COL4A3: variants seen among roughly 807,000 people sequenced by gnomAD.
The protein encoded by COL4A3 is collagen type IV alpha 3 chain, also known as collagen alpha-3(IV) chain.
Under a neutral mutation model 217.4 loss-of-function variants are expected in COL4A3, and 135 were observed. The observed-to-expected ratio is 0.62, with a 90% CI of 0.54 to 0.72. COL4A3 has a LOEUF of 0.72. Among genes scored for constraint, COL4A3 ranks in the 30% least tolerant of loss-of-function variants. The pLI, the probability that COL4A3 is intolerant of heterozygous loss-of-function variation, is 0.00. For synonymous variants in COL4A3, 690 were observed against 736.3 expected, an observed-to-expected ratio of 0.94 and a Z score of 1.02; for missense variants, 1,868 against 2,119.9, an observed-to-expected ratio of 0.88 and a Z score of 2.33.
chr2:227,267,792 G>GAA (rs11298010), intron 23 of COL4A3, among the ~76,000 whole-genome samples: 1 of 146,740 alleles, frequency 6.8e-6, no homozygotes, highest in Non-Finnish European at 1.5e-5. Flanking sequence ...ATTTTGAAAG[G>GAA]AAAAAAAAAA....
intron 47 of COL4A3, among the ~76,000 whole-genome samples, chr2:227,306,089 T>C (rs2073489122): frequency 6.6e-6 from 1 of 152,226 alleles, no homozygotes; most frequent in Admixed American, 6.5e-5. Flanking sequence ...TTCCTTAAAG[T>C]GTGGTTTTTG....
At chr2:227,274,533 C>T (rs868611989) in intron 26 of COL4A3, among the ~76,000 whole-genome samples, 96 of 150,114 alleles carry the variant, frequency 6.4e-4, no homozygotes, top group African/African-American at 2.3e-3. Flanking sequence ...GAATCTTGCT[C>T]TGTCGCCCAG....
intron 1 of COL4A3, among the ~76,000 whole-genome samples, chr2:227,181,488 A>T (rs2065866491): frequency 6.6e-6 from 1 of 152,180 alleles, no homozygotes; most frequent in Non-Finnish European, 1.5e-5. Context: ...TTTTTCCCTA[A>T]CTATACATGT....
Position 227,251,134 on chromosome 2 carries a change from T to G in COL4A3, c.547-6T>G. On this transcript the variant is annotated splice_region_variant and splice_polypyrimidine_tract_variant and intron_variant, in intron 9 of 51. Transcript: ENST00000396578. ...AACTTACTCTTATTCTTCTCTCAATTTCAAGGGTTTGCCAGGCCCTCCAGG... is the reference window on the plus strand; with the variant it reads ...AACTTACTCTTATTCTTCTCTCAATGTCAAGGGTTTGCCAGGCCCTCCAGG... The G allele has an allele frequency of 6.2e-7, 1 of 1,609,628 alleles. No individual in the cohort carries two copies. The highest frequency in any genetic ancestry group is 8.5e-7 in the Non-Finnish European group (1 of 1,175,930).
chr2:227,251,628 A>G (rs1265940670), intron 11 of COL4A3, among the ~76,000 whole-genome samples: 3 of 152,230 alleles, frequency 2.0e-5, no homozygotes, highest in African/African-American at 7.2e-5. Context: ...TTCTTAATCC[A>G]CAGGTTTTCC....
intron 1 of COL4A3, among the ~76,000 whole-genome samples, chr2:227,201,326 G>T (rs1477710387): frequency 2.6e-5 from 4 of 152,170 alleles, no homozygotes; most frequent in Admixed American, 2.6e-4. Flanking sequence ...GTTAACAGTA[G>T]TTTAATAGGA....
intron 1 of COL4A3, among the ~76,000 whole-genome samples, chr2:227,229,771 G>A (rs893804155): frequency 6.6e-6 from 1 of 152,082 alleles, no homozygotes; most frequent in Non-Finnish European, 1.5e-5. Context: ...TTTCCCGGCC[G>A]GGCGCGGTGG....
chr2:227,223,526 G>T (rs1343754448), intron 1 of COL4A3, among the ~76,000 whole-genome samples: 4 of 152,012 alleles, frequency 2.6e-5, no homozygotes, highest in Admixed American at 2.6e-4. Flanking sequence ...CTGAGGTCAG[G>T]AGTTCAAGAC....
rs1559819700 is a variant in COL4A3, at chr2:227,202,862, C to CATATGTGTATATATGTGT, written c.88-35102_88-35101insGTGTATATATGTGTATAT. ...GTATATATACATATGTGTATATATA[C>CATATGTGTATATATGTGT]ATATATGTGTATATATACATATGTG... is the stretch of plus-strand genomic sequence containing the variant. On this transcript the variant is annotated intron_variant, in intron 1 of 51. Coordinates refer to ENST00000396578, the MANE Select transcript of COL4A3 (RefSeq NM_000091.5). Among the ~76,000 whole-genome samples the CATATGTGTATATATGTGT allele has an allele frequency of 5.1e-3, 87 of 17,206 alleles. 31 individuals are homozygous for CATATGTGTATATATGTGT. The highest frequency in any genetic ancestry group is 5.8e-3 in the Admixed American group (8 of 1,388). 11.3% of individuals were successfully genotyped at this position (17,206 alleles called of 152,430 possible).
chr2:227,298,046 G>C (rs1257424242), intron 42 of COL4A3, among the ~76,000 whole-genome samples, 187 bp downstream of exon 42: 1 of 152,128 alleles, frequency 6.6e-6, no homozygotes, highest in Non-Finnish European at 1.5e-5. Context: ...GGGATGCATA[G>C]TTAATAAATT....
chr2:227,275,266 T>C (rs983313155), intron 26 of COL4A3, among the ~76,000 whole-genome samples: 13 of 152,038 alleles, frequency 8.6e-5, no homozygotes, highest in Non-Finnish European at 4.4e-5. Context: ...CTGCAACCTA[T>C]ACCTCCTGGA....
chr2:227,225,715 T>A (rs542042279), intron 1 of COL4A3, among the ~76,000 whole-genome samples: 4 of 147,494 alleles, frequency 2.7e-5, no homozygotes, highest in African/African-American at 1.0e-4. Context: ...CTTTCTTTTT[T>A]TTTTTTTTTT....
chr2:227,245,809 G>A lies in COL4A3; in HGVS notation c.325-145G>A, dbSNP rs2069299807. The A allele has an allele frequency of 6.9e-6, 5 of 729,128 alleles. No homozygotes were observed. The East Asian group carries it at 1.3e-4, about 19-fold the overall frequency. 45.2% of individuals were successfully genotyped at this position (729,128 alleles called of 1,614,324 possible). On this transcript the variant is annotated intron_variant, in intron 5 of 51. Transcript: ENST00000396578. ...TAGTTTGTTGCTACTGAAATTATATGTAAAACCACAATGTACATTTACTAC... is the reference window on the plus strand; with the variant it reads ...TAGTTTGTTGCTACTGAAATTATATATAAAACCACAATGTACATTTACTAC...
rs2106298634 is a variant in COL4A3, at chr2:227,312,025, A to G, written c.*155A>G. ...ATTTGTTTCCCCACAAAACAAAGCA[A>G]TTCTTTCAAGTCAGTTCTGTGATCT... On this transcript the variant is annotated 3_prime_UTR_variant, in exon 52 of 52. Transcript: ENST00000396578. The G allele has an allele frequency of 7.3e-7, 1 of 1,378,444 alleles. No individual in the cohort carries two copies. The allele number at this position is 1,378,444 out of a possible 1,614,324, so 85.4% of individuals were successfully genotyped here.
chr2:227,298,754 AC>A lies in COL4A3; in HGVS notation c.3827del (p.Pro1276LeufsTer42). Reference protein sequence around the residue: ...GIKGDKGSMGHPGPKGPPGTA... With the variant: ...GIKGDKGSMGXPGPKGPPGTA... ...AAAGGAGACAAAGGGTCTATGGGCC[AC>A]CCTGGCCCAAAAGGTCCACCTGGAA... On this transcript the variant is annotated frameshift_variant, in exon 43 of 52. Coordinates refer to ENST00000396578, the MANE Select transcript of COL4A3 (RefSeq NM_000091.5). LOFTEE classifies it high-confidence loss of function. 2 of 1,614,056 alleles carry A rather than the reference AC, an allele frequency of 1.2e-6. No individual in the cohort carries two copies. The highest frequency in any genetic ancestry group is 1.7e-6 in the Non-Finnish European group (2 of 1,179,984).
intron 38 of COL4A3, chr2:227,293,698 G>C: frequency 2.1e-6 from 1 of 480,522 alleles, no homozygotes; most frequent in South Asian, 1.6e-5. Context: ...AAAAGGCTGA[G>C]AAGTGATTAG....
At chr2:227,184,507 A>T (rs779120368) in intron 1 of COL4A3, among the ~76,000 whole-genome samples, 2 of 152,196 alleles carry the variant, frequency 1.3e-5, no homozygotes, top group Non-Finnish European at 1.5e-5. Context: ...TCAAAAAGTG[A>T]TAAGTCTTAT....
At chr2:227,223,633 T>C (rs11886476) in intron 1 of COL4A3, among the ~76,000 whole-genome samples, 68,779 of 151,804 alleles carry the variant, frequency 0.45, 16,831 homozygotes, top group Non-Finnish European at 0.57. Context: ...ACTTGGGAAA[T>C]TGTGATGGGA....
chr2:227,176,105 A>C (rs1003290990), intron 1 of COL4A3, among the ~76,000 whole-genome samples: 3 of 152,208 alleles, frequency 2.0e-5, no homozygotes, highest in Non-Finnish European at 2.9e-5. Context: ...GGAGCTCCTC[A>C]GATGAAGAGG....
Sources: gnomAD v4.1 joint callset for allele counts (sites outside exome capture counted in the v4.1 genomes callset) on GRCh38, gnomAD v4.1.1 for gene constraint, MANE v1.5 for transcripts, NCBI Gene and HGNC (gene_info 2026-07-23, HGNC 2026-07-21) for gene names.